The following HPGD variants were observed in gnomAD, a reference collection of about 807,000 sequenced individuals.
The protein encoded by HPGD is 15-hydroxyprostaglandin dehydrogenase.
A neutral mutation model predicts 30.0 loss-of-function variants in HPGD; 29 were observed. That is an observed-to-expected ratio of 0.97 (90% CI 0.72 to 1.32). HPGD has a LOEUF of 1.32. Ranked by LOEUF, HPGD falls within the 40% of genes most tolerant of loss-of-function variation. The pLI is 0.00. For synonymous variants in HPGD, 99 were observed against 112.4 expected, an observed-to-expected ratio of 0.88 and a Z score of 0.75; for missense variants, 340 against 322.1, an observed-to-expected ratio of 1.06 and a Z score of -0.43.
At chr4:174,499,099 T>G (rs1192601394) in intron 4 of HPGD, among the ~76,000 whole-genome samples, 2 of 152,204 alleles carry the variant, frequency 1.3e-5, no homozygotes, top group African/African-American at 4.8e-5. Flanking sequence ...TTTGTTTCCA[T>G]GTGCTTCAAA....
Position 174,522,212 on chromosome 4 carries a change from C to A in HPGD, c.94-145G>T. 4 of 1,431,328 alleles carry A rather than the reference C, an allele frequency of 2.8e-6. No homozygotes were observed. The South Asian group carries it at 4.6e-5, about 17-fold the overall frequency. The allele number at this position is 1,431,328 out of a possible 1,614,324, so 88.7% of individuals were successfully genotyped here. A position where few individuals can be genotyped will look rare whatever the true frequency, so the allele number is the denominator to read the frequency against. ...CTCCCAGCCACTTCTGAGGTGTGCT[C>A]ACAGCCTCAGCTTCAGCAAATTTTG... is the stretch of plus-strand genomic sequence containing the variant. On this transcript the variant is annotated intron_variant, in intron 1 of 6. Coordinates refer to ENST00000296522, the MANE Select transcript of HPGD (RefSeq NM_000860.6).
In HPGD at chr4:174,494,938, A is replaced by G. The variant is rs1334949559; in HGVS notation, c.498+610T>C. Among the ~76,000 whole-genome samples the G allele has an allele frequency of 6.6e-6, 1 of 152,174 alleles. No individual in the cohort carries two copies. Among genetic ancestry groups the G allele is most frequent in the Non-Finnish European group, 1.5e-5 (1 of 68,040 alleles). The stretch of plus-strand genomic sequence containing the variant: ...GTCTAGCTCCTGTGCTGGTGTCTTG[A>G]GTCATACCTCAAACTACATTCCCTT... On this transcript the variant is annotated intron_variant, in intron 5 of 6. Coordinates refer to ENST00000296522, the MANE Select transcript of HPGD (RefSeq NM_000860.6). The surrounding 1 kb of genome is among the most constrained non-coding windows in gnomAD (Gnocchi z 4.9).
At position 174,508,805 on chromosome 4, in the gene HPGD, C is replaced by T. The variant is rs748617233; in HGVS notation, c.325-13G>A. The T allele has an allele frequency of 2.2e-6, 3 of 1,394,116 alleles. No homozygotes were observed. The highest frequency in any genetic ancestry group is 3.1e-6 in the Non-Finnish European group (3 of 980,402). 86.4% of individuals were successfully genotyped at this position (1,394,116 alleles called of 1,614,324 possible). On this transcript the variant is annotated splice_polypyrimidine_tract_variant and intron_variant, in intron 3 of 6. Transcript: ENST00000296522. The stretch of plus-strand genomic sequence containing the variant: ...TGATAACAGAAACCTAATCCAGAGG[C>T]ATAAGTGAGAAAAGGAATACAGTCA...
chr4:174,498,590 G>A (rs1374857456), intron 4 of HPGD, among the ~76,000 whole-genome samples: 1 of 152,078 alleles, frequency 6.6e-6, no homozygotes, highest in Non-Finnish European at 1.5e-5. Flanking sequence ...TAATCATATA[G>A]TATAAATTAT....
Position 174,492,660 on chromosome 4 carries a change from A to G in HPGD, c.662+491T>C, listed in dbSNP as rs1734393836. ...TGGGTAAGTTCATGGTTAGTGGTAG[A>G]GCCAAGATTTGATCTCAGGTCTGAT... On this transcript the variant is annotated intron_variant, in intron 6 of 6. Coordinates refer to ENST00000296522, the MANE Select transcript of HPGD (RefSeq NM_000860.6). The surrounding 1 kb of genome is among the most constrained non-coding windows in gnomAD (Gnocchi z 4.9). Among the ~76,000 whole-genome samples, 1 of 152,068 alleles carries G rather than the reference A, an allele frequency of 6.6e-6. No homozygotes were observed. The highest frequency in any genetic ancestry group is 2.4e-5 in the African/African-American group (1 of 41,424).
rs1328367963 is a variant in HPGD, at chr4:174,494,875, A to C, written c.498+673T>G. Among the ~76,000 whole-genome samples, 1 of 152,208 alleles carries C rather than the reference A, an allele frequency of 6.6e-6. No homozygotes were observed. Among genetic ancestry groups the C allele is most frequent in the African/African-American group, 2.4e-5 (1 of 41,450 alleles). ...CCCATGGATGGTTGCCCTTGAAATA[A>C]AATCCAAGCTCACAACAGTGGCCCA... On this transcript the variant is annotated intron_variant, in intron 5 of 6. Coordinates refer to ENST00000296522, the MANE Select transcript of HPGD (RefSeq NM_000860.6). This position sits in a 1 kb window ranked among gnomAD's most constrained non-coding sequence, Gnocchi z 4.9.
intron 3 of HPGD, 97 bp from the exon 4 acceptor site, chr4:174,508,889 G>A: frequency 2.6e-6 from 2 of 759,984 alleles, no homozygotes; most frequent in South Asian, 2.8e-5. Context: ...GATACCTAGG[G>A]AGATTTCTGC....
At chr4:174,498,386 TAC>T (rs1734744940) in intron 4 of HPGD, among the ~76,000 whole-genome samples, 1 of 152,092 alleles carries the variant, frequency 6.6e-6, no homozygotes. Context: ...ATTGAAAGTA[TAC>T]AGTTTGATAA....
At chr4:174,502,602 C>T (rs193120999) in intron 4 of HPGD, among the ~76,000 whole-genome samples, 15 of 141,794 alleles carry the variant, frequency 1.1e-4, no homozygotes, top group African/African-American at 3.1e-4. Context: ...GGCGTGAACC[C>T]GAAAGGCGGA....
intron 3 of HPGD, among the ~76,000 whole-genome samples, chr4:174,509,994 A>G (rs911918966): frequency 6.6e-6 from 1 of 151,696 alleles, no homozygotes; most frequent in Non-Finnish European, 1.5e-5. Context: ...AAGAATTCCT[A>G]TCCCTTCCAG....
intron 4 of HPGD, among the ~76,000 whole-genome samples, chr4:174,497,571 T>TTC (rs746314643): frequency 3.0e-4 from 13 of 43,982 alleles, no homozygotes; most frequent in African/African-American, 1.4e-3. Context: ...TTTCTTTCTT[T>TTC]TTTTTTTTTT....
rs200828629 is a variant in HPGD at position 174,495,548 on chromosome 4, C to T, written c.498G>A (p.Ala166=). ...GATATGACGGTTGTTGTAGCCTCACCGCTGCTGAGCGTGTGAATCCAACTA... is the reference window on the plus strand; with the variant it reads ...GATATGACGGTTGTTGTAGCCTCACTGCTGCTGAGCGTGTGAATCCAACTA... ...HGIVGFTRSA[A]LAANLMNSGV... The change falls in exon 5 of 7, where the codon GCG becomes GCA. Residue 166 remains alanine, a splice_region_variant and synonymous_variant. Transcript: ENST00000296522. 47 of 1,607,170 alleles carry T rather than the reference C, an allele frequency of 2.9e-5. No individual in the cohort carries two copies. In the Admixed American group the frequency reaches 5.3e-4, roughly 18 times the overall value.
At chr4:174,516,313 A>T (rs1056091623) in intron 3 of HPGD, among the ~76,000 whole-genome samples, 15 of 151,912 alleles carry the variant, frequency 9.9e-5, no homozygotes, top group Non-Finnish European at 1.9e-4. Flanking sequence ...ACACCCATAA[A>T]AAAGGAAATC....
Position 174,522,478 on chromosome 4 carries a change from T to A in HPGD, c.-27A>T, listed in dbSNP as rs748329924. ...GTGCAGCCACTGCTGGGGCGGGCGGTGGGCGAGCTCCGCGTCTCCGCGCGG... is the reference window on the plus strand; with the variant it reads ...GTGCAGCCACTGCTGGGGCGGGCGGAGGGCGAGCTCCGCGTCTCCGCGCGG... On this transcript the variant is annotated 5_prime_UTR_variant, in exon 1 of 7. Transcript: ENST00000296522. 14 of 1,522,504 alleles carry A rather than the reference T, an allele frequency of 9.2e-6. No individual in the cohort carries two copies. The highest frequency in any genetic ancestry group is 1.2e-5 in the Non-Finnish European group (13 of 1,128,332). The allele number at this position is 1,522,504 out of a possible 1,614,324, so 94.3% of individuals were successfully genotyped here.
intron 2 of HPGD, among the ~76,000 whole-genome samples, chr4:174,520,247 C>T (rs565084576): frequency 5.9e-5 from 9 of 152,202 alleles, no homozygotes; most frequent in African/African-American, 2.2e-4. Flanking sequence ...CATTGAATTC[C>T]AGGCTCAAGC....
intron 4 of HPGD, among the ~76,000 whole-genome samples, chr4:174,499,584 C>A (rs1352247470): frequency 6.6e-6 from 1 of 152,182 alleles, no homozygotes; most frequent in Non-Finnish European, 1.5e-5. Flanking sequence ...CTCTACAACT[C>A]ATTCCCATCA....
chr4:174,491,671 C>T lies in HPGD; in HGVS notation c.*285G>A, dbSNP rs1301393068. The T allele has an allele frequency of 1.4e-5, 5 of 362,440 alleles. No individual in the cohort carries two copies. The highest frequency in any genetic ancestry group is 6.3e-5 in the South Asian group (2 of 31,814). The allele number at this position is 362,440 out of a possible 1,614,324, so 22.5% of individuals were successfully genotyped here. ...TTTATGAAGCACAGATATAAATACA[C>T]TTTCTGAAAGGCAGAATATTGAATA... On this transcript the variant is annotated 3_prime_UTR_variant, in exon 7 of 7. Transcript: ENST00000296522.
chr4:174,511,463 G>C (rs923150095), intron 3 of HPGD, among the ~76,000 whole-genome samples: 5 of 152,182 alleles, frequency 3.3e-5, no homozygotes, highest in South Asian at 2.1e-4. Context: ...AAATTAGACT[G>C]TAAGTTCCAC....
chr4:174,503,916 G>T (rs879461738), intron 4 of HPGD, among the ~76,000 whole-genome samples: 34 of 151,946 alleles, frequency 2.2e-4, no homozygotes, highest in Admixed American at 9.8e-4. Flanking sequence ...TACAGATGAG[G>T]TCTCATTCTG....
Sources: gnomAD v4.1 joint callset for allele counts (sites outside exome capture counted in the v4.1 genomes callset) on GRCh38, gnomAD v4.1.1 for gene constraint, Gnocchi (gnomAD v3.1) non-coding constraint, MANE v1.5 for transcripts, NCBI Gene and HGNC (gene_info 2026-07-23, HGNC 2026-07-21) for gene names.